Variants in ENTREP2 observed in about 807,000 individuals in gnomAD.
ENTREP2 encodes endosomal transmembrane epsin interactor 2.
the ENTREP2 span, among the ~76,000 whole-genome samples, chr15:29,339,136 C>T: frequency 5.9e-5 from 9 of 152,368 alleles, no homozygotes; most frequent in African/African-American, 2.2e-4. Context: ...CAGTGATGTG[C>T]TACTGCCCAG....
chr15:29,551,935 C>A, the ENTREP2 span, among the ~76,000 whole-genome samples: 1 of 152,192 alleles, frequency 6.6e-6, no homozygotes, highest in East Asian at 1.9e-4. Context: ...CCAAAACCTT[C>A]ATGTCATCTA....
At chr15:29,547,346 T>TAAAAGTGC in the ENTREP2 span, among the ~76,000 whole-genome samples, 1 of 152,022 alleles carries the variant, frequency 6.6e-6, no homozygotes, top group Non-Finnish European at 1.5e-5. Flanking sequence ...CCTCAGCCTC[T>TAAAAGTGC]AAAAGTGCTG....
the ENTREP2 span, among the ~76,000 whole-genome samples, chr15:29,218,879 G>A: frequency 6.6e-6 from 1 of 152,116 alleles, no homozygotes; most frequent in Non-Finnish European, 1.5e-5. Context: ...GATAACTTTG[G>A]AGAAACCCTT....
the ENTREP2 span, among the ~76,000 whole-genome samples, chr15:29,473,987 ACCTAG>A: frequency 6.6e-6 from 1 of 152,314 alleles, no homozygotes; most frequent in Admixed American, 6.5e-5. Flanking sequence ...ACAGCACTGA[ACCTAG>A]CCATGGATTC....
chr15:29,661,192 T>TTTTG, the ENTREP2 span, among the ~76,000 whole-genome samples: 8 of 152,282 alleles, frequency 5.3e-5, 1 homozygote, highest in Non-Finnish European at 1.5e-5. Context: ...GAGAAGATTT[T>TTTTG]TTTGTTTGTT....
At chr15:29,453,538 C>T in the ENTREP2 span, among the ~76,000 whole-genome samples, 5,717 of 152,308 alleles carry the variant, frequency 0.038, 146 homozygotes, top group South Asian at 0.11. Flanking sequence ...ACACCCCCAC[C>T]GGCCAGAGTG....
the ENTREP2 span, among the ~76,000 whole-genome samples, chr15:29,669,409 G>A: frequency 2.0e-5 from 3 of 152,116 alleles, no homozygotes; most frequent in Non-Finnish European, 4.4e-5. Context: ...TGTGATGCCC[G>A]GCACCACCTT....
At chr15:29,546,904 C>CAA in the ENTREP2 span, among the ~76,000 whole-genome samples, 2 of 38,576 alleles carry the variant, frequency 5.2e-5, no homozygotes, top group East Asian at 7.5e-4. Context: ...AAAACAACAA[C>CAA]AAAAAAAAAA....
the ENTREP2 span, among the ~76,000 whole-genome samples, chr15:29,392,257 C>A: frequency 7.2e-5 from 11 of 152,262 alleles, no homozygotes; most frequent in South Asian, 2.3e-3. Flanking sequence ...CCACTGTGCC[C>A]GGCCTGTAAT....
At chr15:29,362,073 T>C in the ENTREP2 span, among the ~76,000 whole-genome samples, 3 of 152,074 alleles carry the variant, frequency 2.0e-5, no homozygotes, top group African/African-American at 4.8e-5. Flanking sequence ...TGGGACTCCA[T>C]CCAGAGGCAC....
the ENTREP2 span, among the ~76,000 whole-genome samples, chr15:29,312,481 G>A: frequency 6.6e-6 from 1 of 152,158 alleles, no homozygotes; most frequent in Non-Finnish European, 1.5e-5. Context: ...CCTATATTGA[G>A]TAAGTCTATG....
chr15:29,484,620 A>G, the ENTREP2 span, among the ~76,000 whole-genome samples: 1 of 152,168 alleles, frequency 6.6e-6, no homozygotes, highest in Non-Finnish European at 1.5e-5. Context: ...TACTGAGAAA[A>G]AAGGGATTAT....
At chr15:29,229,986 T>C in the ENTREP2 span, among the ~76,000 whole-genome samples, 53 of 152,196 alleles carry the variant, frequency 3.5e-4, no homozygotes, top group African/African-American at 1.2e-3. Flanking sequence ...TCACATACCT[T>C]CTTCTCCCCT....
chr15:29,280,714 G>C, the ENTREP2 span, among the ~76,000 whole-genome samples: 1 of 152,230 alleles, frequency 6.6e-6, no homozygotes, highest in Non-Finnish European at 1.5e-5. Context: ...CGTGGCTGCA[G>C]CTTTGCTTCC....
At chr15:29,428,376 G>T in the ENTREP2 span, among the ~76,000 whole-genome samples, 3 of 151,950 alleles carry the variant, frequency 2.0e-5, no homozygotes, top group African/African-American at 7.3e-5. Flanking sequence ...ACCACACACG[G>T]CTATTTTTTT....
the ENTREP2 span, among the ~76,000 whole-genome samples, chr15:29,484,954 T>C: frequency 2.0e-5 from 3 of 152,206 alleles, no homozygotes; most frequent in Admixed American, 6.5e-5. Flanking sequence ...CAGGGTTTTA[T>C]TGGGCACCTA....
chr15:29,119,123 G>A, the ENTREP2 span, among the ~76,000 whole-genome samples: 118,452 of 152,148 alleles, frequency 0.78, 47,749 homozygotes, highest in Middle Eastern at 0.91. Flanking sequence ...TAAAAGAGAC[G>A]GCCTTTCAAG....
At chr15:29,429,190 T>TCC in the ENTREP2 span, among the ~76,000 whole-genome samples, 1 of 149,160 alleles carries the variant, frequency 6.7e-6, no homozygotes, top group Admixed American at 6.7e-5. Flanking sequence ...GATGTCTATC[T>TCC]ATCCATCCAT....
chr15:29,228,724 C>A, the ENTREP2 span, among the ~76,000 whole-genome samples: 44 of 152,064 alleles, frequency 2.9e-4, no homozygotes, highest in African/African-American at 9.9e-4. Flanking sequence ...TCAAAAGGTA[C>A]AAATTATCAG....
Sources: gnomAD v4.1 joint callset for allele counts (sites outside exome capture counted in the v4.1 genomes callset) on GRCh38, gnomAD v4.1.1 for gene constraint, MANE v1.5 for transcripts, NCBI Gene and HGNC (gene_info 2026-07-23, HGNC 2026-07-21) for gene names.